LAMP5: variants seen among roughly 807,000 people sequenced by gnomAD.
The protein encoded by LAMP5 is lysosome-associated membrane glycoprotein 5.
LAMP5 carries 36 observed loss-of-function variants against 30.2 expected under a neutral mutation model. That is an observed-to-expected ratio of 1.19 (90% CI 0.91 to 1.57). The LOEUF is 1.57. Ranked by LOEUF, LAMP5 falls within the 40% of genes most tolerant of loss-of-function variation. The pLI is 0.00. For missense variants in LAMP5, 377 were observed against 354.9 expected (o/e 1.06, Z -0.50); for synonymous variants, 149 against 134.6 (o/e 1.11, Z -0.74).
chr20:9,525,862 T>C (rs2045108770), intron 5 of LAMP5, among the ~76,000 whole-genome samples: 2 of 152,320 alleles, frequency 1.3e-5, no homozygotes, highest in Non-Finnish European at 2.9e-5. Context: ...ACATAAGCTC[T>C]TGCTCCCAGA....
At chr20:9,526,464 C>A (rs1376289994) in intron 5 of LAMP5, among the ~76,000 whole-genome samples, 1 of 152,156 alleles carries the variant, frequency 6.6e-6, no homozygotes, top group Non-Finnish European at 1.5e-5. Flanking sequence ...TGATCCATTT[C>A]TATTCATTGT....
chr20:9,524,595 T>TAAAAAAAAAAAAAAAAAAAAAAAAAAAAA (rs748114210), intron 5 of LAMP5, among the ~76,000 whole-genome samples: 1 of 82,222 alleles, frequency 1.2e-5, no homozygotes, highest in Non-Finnish European at 2.5e-5. Context: ...CAGATCGAAC[T>TAAAAAAAAAAAAAAAAAAAAAAAAAAAAA]AAAAAAAAAA....
At chr20:9,522,051 C>T (rs960711167) in intron 5 of LAMP5, among the ~76,000 whole-genome samples, 4 of 152,142 alleles carry the variant, frequency 2.6e-5, no homozygotes, top group Non-Finnish European at 4.4e-5. Flanking sequence ...GGAGGTGAAG[C>T]GAATTGGTGA....
intron 5 of LAMP5, among the ~76,000 whole-genome samples, chr20:9,526,696 C>T (rs927931098): frequency 2.0e-5 from 3 of 151,848 alleles, no homozygotes; most frequent in Non-Finnish European, 4.4e-5. Context: ...CTTTTTCAAA[C>T]TTTTGGTTGT....
intron 5 of LAMP5, among the ~76,000 whole-genome samples, chr20:9,521,297 T>G (rs111704858): frequency 0.027 from 4,119 of 152,236 alleles, 79 homozygotes; most frequent in African/African-American, 0.059. Context: ...GAGGCAGCAG[T>G]GCCTTGGAGC....
chr20:9,523,032 T>C (rs182567745), intron 5 of LAMP5, among the ~76,000 whole-genome samples: 120 of 136,610 alleles, frequency 8.8e-4, no homozygotes, highest in Non-Finnish European at 7.4e-4. Flanking sequence ...CTCCTGGGCA[T>C]AAGCAATCTT....
intron 5 of LAMP5, among the ~76,000 whole-genome samples, chr20:9,519,365 A>T (rs1199129018): frequency 6.6e-6 from 1 of 152,218 alleles, no homozygotes; most frequent in African/African-American, 2.4e-5. Flanking sequence ...TCTAGCTTTC[A>T]TAAAATGCAG....
chr20:9,519,387 C>A (rs577338783), intron 5 of LAMP5, among the ~76,000 whole-genome samples: 1 of 152,294 alleles, frequency 6.6e-6, no homozygotes, highest in South Asian at 2.1e-4. Context: ...TTCCACTCAA[C>A]CTATTCCAGA....
At position 9,514,600 on chromosome 20, in the gene LAMP5, CA is replaced by C. The variant is rs2045019413; in HGVS notation, c.-252del. The C allele has an allele frequency of 3.7e-6, 2 of 540,622 alleles. No individual in the cohort carries two copies. The highest frequency in any genetic ancestry group is 6.6e-6 in the Non-Finnish European group (2 of 303,248). The allele number at this position is 540,622 out of a possible 1,614,324, so 33.5% of individuals were successfully genotyped here. Reference sequence around the variant, plus strand: ...TCCTGCCACACAATCGGATTGCTTTCAGCACTCGCAGCCGTGGACCGCCGTG... The same window carrying C: ...TCCTGCCACACAATCGGATTGCTTTCGCACTCGCAGCCGTGGACCGCCGTG... On this transcript the variant is annotated 5_prime_UTR_variant, in exon 1 of 6. Coordinates refer to ENST00000246070, the MANE Select transcript of LAMP5 (RefSeq NM_012261.4).
At chr20:9,526,339 C>T (rs1230799421) in intron 5 of LAMP5, among the ~76,000 whole-genome samples, 1 of 152,210 alleles carries the variant, frequency 6.6e-6, no homozygotes, top group East Asian at 1.9e-4. Context: ...GAGGTTGCCA[C>T]TAGCGCCTGC....
intron 5 of LAMP5, among the ~76,000 whole-genome samples, chr20:9,520,599 GTGTGTGTT>G (rs1179312774): frequency 4.6e-5 from 7 of 151,552 alleles, no homozygotes; most frequent in Non-Finnish European, 1.0e-4. Context: ...GTGTGTGTGT[GTGTGTGTT>G]TGTGTGTTCA....
intron 5 of LAMP5, among the ~76,000 whole-genome samples, chr20:9,521,976 G>GA (rs2045082319): frequency 6.6e-6 from 1 of 152,028 alleles, no homozygotes; most frequent in Non-Finnish European, 1.5e-5. Context: ...AAAACAAAAA[G>GA]AAACAAAACA....
chr20:9,519,834 TA>T (rs2045067798), intron 5 of LAMP5, among the ~76,000 whole-genome samples: 1 of 152,258 alleles, frequency 6.6e-6, no homozygotes, highest in Non-Finnish European at 1.5e-5. Flanking sequence ...TACTTCTTGT[TA>T]CCACTGGTGC....
At chr20:9,515,087 G>C (rs1182770069) in intron 1 of LAMP5, 171 bp downstream of exon 1, 1 of 667,804 alleles carries the variant, frequency 1.5e-6, no homozygotes, top group Non-Finnish European at 2.6e-6. Context: ...GCCGGTGGCA[G>C]GGAATTCCCC....
Position 9,524,567 on chromosome 20 carries a change from A to G in LAMP5, c.665-5075A>G, listed in dbSNP as rs548673605. Among the ~76,000 whole-genome samples, 64 of 145,794 alleles carry G rather than the reference A, an allele frequency of 4.4e-4. 1 individual carries two copies. Among genetic ancestry groups the G allele is most frequent in the African/African-American group, 1.5e-3 (58 of 39,448 alleles). ...GCGTGCCCTGCTTTTATGGGTTCAT[A>G]ATCCCTCATCTAAAACCCAGATCGA... On this transcript the variant is annotated intron_variant, in intron 5 of 5. Coordinates refer to ENST00000246070, the MANE Select transcript of LAMP5 (RefSeq NM_012261.4).
intron 4 of LAMP5, among the ~76,000 whole-genome samples, chr20:9,516,983 T>G (rs1030788165): frequency 6.6e-6 from 1 of 152,208 alleles, no homozygotes; most frequent in African/African-American, 2.4e-5. Flanking sequence ...TATTCCTATC[T>G]GCAGACACCG....
chr20:9,524,334 G>A (rs547359286), intron 5 of LAMP5, among the ~76,000 whole-genome samples: 54 of 152,206 alleles, frequency 3.5e-4, no homozygotes, highest in African/African-American at 1.3e-3. Context: ...AGTAGGTCAT[G>A]AGCAGCATTG....
intron 5 of LAMP5, among the ~76,000 whole-genome samples, chr20:9,526,860 G>GTGTATA (rs1426298098): frequency 1.6e-3 from 129 of 80,142 alleles, no homozygotes; most frequent in African/African-American, 4.1e-3. Flanking sequence ...GTGTGTGTGT[G>GTGTATA]TATATATATA....
At chr20:9,529,147 T>C (rs1377525521) in intron 5 of LAMP5, among the ~76,000 whole-genome samples, 1 of 152,224 alleles carries the variant, frequency 6.6e-6, no homozygotes, top group Non-Finnish European at 1.5e-5. Context: ...TTGTCTTTAT[T>C]AGAAATTATC....
Sources: allele counts gnomAD v4.1 joint callset (sites outside exome capture counted in the v4.1 genomes callset), GRCh38; gene constraint gnomAD v4.1.1; transcripts MANE v1.5; gene names NCBI Gene and HGNC (gene_info 2026-07-23, HGNC 2026-07-21).